Variants in ERC2 observed in about 807,000 individuals in gnomAD.
ERC2 encodes ELKS/RAB6-interacting/CAST family member 2.
In ERC2, 42 loss-of-function variants were observed where a neutral mutation model predicts 114.8. The observed-to-expected ratio is 0.37, with a 90% CI of 0.29 to 0.47. The LOEUF is 0.47. Ranked by LOEUF, ERC2 falls within the 20% of genes least tolerant of loss-of-function variation. The pLI is 0.99. For missense variants in ERC2, 939 were observed against 1,150.7 expected, an observed-to-expected ratio of 0.82 and a Z score of 2.66; for synonymous variants, 454 against 425.5, an observed-to-expected ratio of 1.07 and a Z score of -0.82.
intron 15 of ERC2, among the ~76,000 whole-genome samples, chr3:55,700,900 C>T (rs1041094598): frequency 6.6e-6 from 1 of 152,088 alleles, no homozygotes; most frequent in Admixed American, 6.5e-5. Flanking sequence ...TAATGAGTGA[C>T]CAAAAGAATG....
intron 13 of ERC2, among the ~76,000 whole-genome samples, chr3:55,912,021 T>G (rs1024458340): frequency 5.3e-5 from 8 of 152,116 alleles, no homozygotes; most frequent in African/African-American, 1.9e-4. Flanking sequence ...TGAACCCCCA[T>G]ACATTGGAGT....
intron 2 of ERC2, among the ~76,000 whole-genome samples, chr3:56,362,743 A>G (rs1344327086): frequency 3.3e-5 from 5 of 152,222 alleles, no homozygotes; most frequent in Admixed American, 2.0e-4. Flanking sequence ...CAAAGAAATG[A>G]CAGTGGGCTC....
At chr3:55,706,096 A>G (rs182309970) in intron 15 of ERC2, among the ~76,000 whole-genome samples, 11 of 152,186 alleles carry the variant, frequency 7.2e-5, no homozygotes, top group African/African-American at 2.6e-4. Context: ...CGCCCCTGAA[A>G]CAACTCTAAA....
chr3:56,253,388 C>A (rs1398411540), intron 3 of ERC2, among the ~76,000 whole-genome samples: 1 of 152,118 alleles, frequency 6.6e-6, no homozygotes, highest in Non-Finnish European at 1.5e-5. Context: ...AGAAAACTTA[C>A]TTTTCTTTTT....
At chr3:56,326,536 C>T (rs1035295614) in intron 2 of ERC2, among the ~76,000 whole-genome samples, 1 of 152,214 alleles carries the variant, frequency 6.6e-6, no homozygotes, top group Non-Finnish European at 1.5e-5. Context: ...TCCAGAACCA[C>T]CTTGAATTAC....
rs538347471 is a variant in ERC2, at chr3:56,454,379, T to C, written c.-141+13869A>G. On this transcript the variant is annotated intron_variant, in intron 1 of 17. Transcript: ENST00000288221. ...CAATATCAGAATCTCTGCCTGAGAG[T>C]ATCTTTTAAACCTGGATAAGCTAGT... 2.0e-5 allele frequency among the ~76,000 whole-genome samples: 3 copies of C among 152,130 alleles called. No individual in the cohort carries two copies. In the South Asian group the frequency reaches 6.2e-4, roughly 32 times the overall value.
At chr3:56,060,705 T>C (rs1293076016) in intron 7 of ERC2, among the ~76,000 whole-genome samples, 3 of 152,226 alleles carry the variant, frequency 2.0e-5, no homozygotes, top group African/African-American at 7.2e-5. Flanking sequence ...TGACCTTCTA[T>C]TGATCCCAAC....
intron 17 of ERC2, among the ~76,000 whole-genome samples, chr3:55,550,047 A>G (rs1356031187): frequency 6.6e-6 from 1 of 152,010 alleles, no homozygotes; most frequent in Non-Finnish European, 1.5e-5. Flanking sequence ...ATACTCTTTG[A>G]CAGGACTTCC....
intron 3 of ERC2, among the ~76,000 whole-genome samples, chr3:56,286,385 A>G (rs73086420): frequency 0.33 from 46,509 of 140,494 alleles, 8,020 homozygotes; most frequent in African/African-American, 0.35. Context: ...TTGCACTCCA[A>G]CCTGGGCAAC....
chr3:56,195,884 C>G (rs2048071707), intron 3 of ERC2, among the ~76,000 whole-genome samples: 1 of 151,974 alleles, frequency 6.6e-6, no homozygotes, highest in Non-Finnish European at 1.5e-5. Flanking sequence ...AGTCTACTGT[C>G]TGCACTTAAC....
At chr3:56,028,571 T>C (rs2074187222) in intron 7 of ERC2, among the ~76,000 whole-genome samples, 1 of 152,094 alleles carries the variant, frequency 6.6e-6, no homozygotes, top group Non-Finnish European at 1.5e-5. Context: ...CTGTAAACCG[T>C]CTTATATTTT....
At chr3:55,678,559 C>G (rs2061917650) in intron 17 of ERC2, among the ~76,000 whole-genome samples, 1 of 152,162 alleles carries the variant, frequency 6.6e-6, no homozygotes, top group African/African-American at 2.4e-5. Context: ...TTTGCAATCT[C>G]CTTTTCTTCA....
At chr3:55,655,865 T>TAA (rs2060836096) in intron 17 of ERC2, among the ~76,000 whole-genome samples, 1 of 152,246 alleles carries the variant, frequency 6.6e-6, no homozygotes, top group African/African-American at 2.4e-5. Flanking sequence ...GGTGCCCTGC[T>TAA]AAACCCTTTG....
chr3:55,854,455 A>T (rs79614090), intron 14 of ERC2, among the ~76,000 whole-genome samples: 129 of 152,310 alleles, frequency 8.5e-4, no homozygotes, highest in African/African-American at 3.1e-3. Context: ...AAGCTAAGAA[A>T]ATCTTCCTCT....
chr3:55,596,649 G>A (rs1035035397), intron 17 of ERC2, among the ~76,000 whole-genome samples: 1 of 152,166 alleles, frequency 6.6e-6, no homozygotes, highest in African/African-American at 2.4e-5. Context: ...AAATGGACCA[G>A]TGACACACAA....
chr3:55,758,449 T>G (rs1252497677), intron 14 of ERC2, among the ~76,000 whole-genome samples: 3 of 152,174 alleles, frequency 2.0e-5, no homozygotes, highest in Admixed American at 2.0e-4. Context: ...AACCACTTCT[T>G]CTCTGACGGG....
At chr3:56,450,189 C>T (rs557493657) in intron 1 of ERC2, among the ~76,000 whole-genome samples, 12 of 152,340 alleles carry the variant, frequency 7.9e-5, no homozygotes, top group African/African-American at 2.9e-4. Flanking sequence ...CTCAAACACG[C>T]CTATCCACAC....
intron 3 of ERC2, among the ~76,000 whole-genome samples, chr3:56,278,038 T>A (rs543441536): frequency 6.6e-6 from 1 of 152,224 alleles, no homozygotes. Context: ...GGGAGATTAA[T>A]AGGCTCAGCT....
chr3:56,118,635 T>C (rs751988310), intron 6 of ERC2, among the ~76,000 whole-genome samples: 5 of 139,848 alleles, frequency 3.6e-5, no homozygotes, highest in Admixed American at 2.3e-4. Flanking sequence ...ATATTCCTTT[T>C]CTTTTTTTTT....
Sources: allele counts gnomAD v4.1 joint callset (sites outside exome capture counted in the v4.1 genomes callset), GRCh38; gene constraint gnomAD v4.1.1; transcripts MANE v1.5; gene names NCBI Gene and HGNC (gene_info 2026-07-23, HGNC 2026-07-21).